Variants in POMT2 observed in about 807,000 individuals in gnomAD.
POMT2 encodes the protein protein O-mannosyltransferase 2.
A neutral mutation model predicts 100.0 loss-of-function variants in POMT2; 75 were observed. The observed-to-expected ratio is 0.75, with a 90% CI of 0.62 to 0.91. POMT2 has a LOEUF of 0.91. Among genes scored for constraint, POMT2 ranks in the 40% least tolerant of loss-of-function variants. The probability of loss-of-function intolerance (pLI) is 0.00; values close to 1 mark genes in which losing one functional copy is unlikely to be tolerated. For synonymous variants in POMT2, 378 were observed against 374.1 expected (o/e 1.01, Z -0.12); for missense variants, 940 against 955.1 (o/e 0.98, Z 0.21).
In POMT2 at chr14:77,320,733, C is replaced by G; in HGVS notation, c.-52G>C. 6.3e-7 allele frequency: 1 copy of G among 1,575,240 alleles called. No individual in the cohort carries two copies. Among genetic ancestry groups the G allele is most frequent in the Non-Finnish European group, 8.5e-7 (1 of 1,170,360 alleles). ...GGCCCGGAGGCACACTTTGTCTGAC[C>G]AGCCGCCCCGCCAAGGAGTCACAAG... On this transcript the variant is annotated 5_prime_UTR_variant, in exon 1 of 21. Transcript: ENST00000261534.
rs530464153 is a variant in POMT2, at chr14:77,309,208, T to C, written c.333+2741A>G. Among the ~76,000 whole-genome samples, 5 of 152,322 alleles carry C rather than the reference T, an allele frequency of 3.3e-5. No homozygotes were observed. The South Asian group carries it at 1.0e-3, about 32-fold the overall frequency. On this transcript the variant is annotated intron_variant, in intron 2 of 20. Coordinates refer to ENST00000261534, the MANE Select transcript of POMT2 (RefSeq NM_013382.7). ...GAATTCCTAGAGGAATGTAAGAAAC[T>C]ATTGACAAAGATGACCGTGGTTACC...
intron 15 of POMT2, 47 bp downstream of exon 15, chr14:77,283,750 G>T: frequency 6.8e-7 from 1 of 1,481,202 alleles, no homozygotes; most frequent in Non-Finnish European, 9.4e-7. Context: ...ATTCATGGCT[G>T]CCCAAAAGCT....
In POMT2 at chr14:77,277,362, T is replaced by A. The variant is rs761095345; in HGVS notation, c.*14A>T. 1.2e-5 allele frequency: 19 copies of A among 1,594,946 alleles called. No individual in the cohort carries two copies. Among genetic ancestry groups the A allele is most frequent in the Admixed American group, 1.7e-5 (1 of 59,988 alleles). On this transcript the variant is annotated 3_prime_UTR_variant, in exon 21 of 21. Transcript: ENST00000261534. ...GGAAGTTCCTGGACCCAGGCTGGAATCTTTGCAGTGGCCTCAAAAGTCCCA... is the reference window on the plus strand; with the variant it reads ...GGAAGTTCCTGGACCCAGGCTGGAAACTTTGCAGTGGCCTCAAAAGTCCCA...
rs1332557295 is a variant in POMT2, at chr14:77,311,896, C to T, written c.333+53G>A. On this transcript the variant is annotated intron_variant, in intron 2 of 20. Transcript: ENST00000261534. ...TCCAAAATCAAGATGTGGCTCCAGC[C>T]CTTAGGAACAATCCTCTGGGACCAG... 5.6e-6 allele frequency: 9 copies of T among 1,606,102 alleles called. No individual in the cohort carries two copies. In the East Asian group the frequency reaches 1.6e-4, roughly 28 times the overall value.
Position 77,280,076 on chromosome 14 carries a change from A to G in POMT2, c.1730T>C (p.Leu577Pro). 1 of 1,613,872 alleles carries G rather than the reference A, an allele frequency of 6.2e-7. No homozygotes were observed. Among genetic ancestry groups the G allele is most frequent in the Non-Finnish European group, 8.5e-7 (1 of 1,180,008 alleles). The change falls in exon 17 of 21, where the codon CTA becomes CCA. Residue 577 changes from leucine (L) to proline (P), a missense_variant. By Grantham distance (98) the Leu-to-Pro change is moderately conservative. Coordinates refer to ENST00000261534, the MANE Select transcript of POMT2 (RefSeq NM_013382.7). The stretch of plus-strand genomic sequence containing the variant: ...TGTGTCATTGACCCCTGAGAAGCGT[A>G]GGCCCTGTGGAATAGAGACCACCCT... Reference protein sequence around the residue: ...PWHWPINYQGLRFSGVNDTDF... With the variant: ...PWHWPINYQGPRFSGVNDTDF...
chr14:77,282,922 T>C (rs568661966), intron 15 of POMT2, among the ~76,000 whole-genome samples: 62 of 152,326 alleles, frequency 4.1e-4, no homozygotes, highest in African/African-American at 1.3e-3. Flanking sequence ...TTCTTAAACA[T>C]TATTCCTGCA....
At chr14:77,281,002 G>A (rs1890206523) in intron 15 of POMT2, among the ~76,000 whole-genome samples, 1 of 152,082 alleles carries the variant, frequency 6.6e-6, no homozygotes, top group African/African-American at 2.4e-5. Context: ...GCTGAGGCAG[G>A]AGAACCACTT....
At chr14:77,278,637 G>C (rs777048721) in intron 19 of POMT2, 92 bp downstream of exon 19, 2 of 1,558,192 alleles carry the variant, frequency 1.3e-6, no homozygotes, top group African/African-American at 2.7e-5. Flanking sequence ...GTGGCCTCCC[G>C]TCAAGGAGCA....
chr14:77,295,600 C>G (rs1449056399), intron 9 of POMT2, among the ~76,000 whole-genome samples: 1 of 147,110 alleles, frequency 6.8e-6, no homozygotes, highest in Non-Finnish European at 1.5e-5. Flanking sequence ...CCACTGCACT[C>G]CAGCCTGGGT....
At chr14:77,315,218 C>T (rs1027359617) in intron 1 of POMT2, among the ~76,000 whole-genome samples, 1 of 152,114 alleles carries the variant, frequency 6.6e-6, no homozygotes. Flanking sequence ...CATAGCAGTG[C>T]GCACAAGGAC....
intron 6 of POMT2, chr14:77,300,233 C>T (rs931416817): frequency 1.3e-5 from 2 of 159,334 alleles, no homozygotes; most frequent in African/African-American, 2.4e-5. Context: ...GATGGAGCAG[C>T]ACCACAGCAG....
rs372499983 is a variant in POMT2 at position 77,298,721 on chromosome 14, C to T, written c.974G>A (p.Gly325Glu). Residue 325 changes from glycine to glutamate, a missense_variant, in exon 8 of 21, where the codon GGG (glycine) becomes GAG (glutamate). By Grantham distance (98) the Gly-to-Glu change is moderately conservative. Transcript: ENST00000261534. ...FSSAFQARLS[G>E]NNLHNASIPE... ...GATGGAAGCATTGTGCAGGTTGTTC[C>T]CTGAAAGCCGGGCCTGGAAGGCAGA... The T allele has an allele frequency of 2.5e-6, 4 of 1,613,638 alleles. No homozygotes were observed. The highest frequency in any genetic ancestry group is 1.3e-5 in the African/African-American group (1 of 74,940).
Position 77,277,131 on chromosome 14 carries a change from G to A in POMT2, c.*245C>T, listed in dbSNP as rs1181899419. Reference sequence around the variant, plus strand: ...TGGCACCCATCCTCCCCTGCGCTGTGCACGAGGGAGCAGCCCAAGAGGCGC... The same window carrying A: ...TGGCACCCATCCTCCCCTGCGCTGTACACGAGGGAGCAGCCCAAGAGGCGC... On this transcript the variant is annotated 3_prime_UTR_variant, in exon 21 of 21. Coordinates refer to ENST00000261534, the MANE Select transcript of POMT2 (RefSeq NM_013382.7). The A allele has an allele frequency of 1.8e-6, 1 of 548,604 alleles. No homozygotes were observed. Among genetic ancestry groups the A allele is most frequent in the Non-Finnish European group, 3.3e-6 (1 of 302,902 alleles). The allele number at this position is 548,604 out of a possible 1,614,324, so 34.0% of individuals were successfully genotyped here.
At chr14:77,316,422 T>C (rs1054852921) in intron 1 of POMT2, among the ~76,000 whole-genome samples, 20 of 151,944 alleles carry the variant, frequency 1.3e-4, no homozygotes, top group Non-Finnish European at 2.8e-4. Flanking sequence ...AAATCTGTTT[T>C]AATTAGCTGG....
At chr14:77,280,260 C>T in intron 16 of POMT2, 132 bp downstream of exon 16, 1 of 1,556,898 alleles carries the variant, frequency 6.4e-7, no homozygotes, top group Admixed American at 1.9e-5. Context: ...ACAGATACTC[C>T]CACCTCTGGC....
intron 10 of POMT2, 72 bp from the exon 11 acceptor site, chr14:77,288,903 A>G (rs960871973): frequency 8.6e-6 from 11 of 1,279,138 alleles, no homozygotes; most frequent in Non-Finnish European, 8.0e-6. Context: ...GCCTACTGGT[A>G]AACAGTTATA....
intron 3 of POMT2, 163 bp downstream of exon 3, chr14:77,306,174 A>T: frequency 8.1e-7 from 1 of 1,231,672 alleles, no homozygotes; most frequent in Non-Finnish European, 1.1e-6. Context: ...CTCAGTTCTG[A>T]GTATCTACAC....
At position 77,283,799 on chromosome 14, in the gene POMT2, G is replaced by A. The variant is rs751153662; in HGVS notation, c.1651C>T (p.Arg551Trp). Residue 551 changes from arginine (R) to tryptophan (W), a missense_variant and splice_region_variant, in exon 15 of 21, where the codon CGG (arginine) becomes TGG (tryptophan). By Grantham distance (101) the Arg-to-Trp change is moderately radical. Coordinates refer to ENST00000261534, the MANE Select transcript of POMT2 (RefSeq NM_013382.7). ...ILLESHMVMI[R>W]GNSGLKPKDN... Reference sequence around the variant, plus strand: ...TGAAATGAGAAGGGGACACATACCCGGATCATGACCATGTGGGATTCCAGC... The same window carrying A: ...TGAAATGAGAAGGGGACACATACCCAGATCATGACCATGTGGGATTCCAGC... 2.6e-5 allele frequency: 42 copies of A among 1,606,148 alleles called. No homozygotes were observed. The highest frequency in any genetic ancestry group is 1.6e-4 in the Middle Eastern group (1 of 6,072).
chr14:77,315,089 G>T (rs1891578741), intron 1 of POMT2, among the ~76,000 whole-genome samples: 1 of 152,084 alleles, frequency 6.6e-6, no homozygotes, highest in Admixed American at 6.5e-5. Context: ...GGAGGAGAGG[G>T]GCAAACTCAG....
Sources: allele counts gnomAD v4.1 joint callset (sites outside exome capture counted in the v4.1 genomes callset), GRCh38; gene constraint gnomAD v4.1.1; transcripts MANE v1.5; gene names NCBI Gene and HGNC (gene_info 2026-07-23, HGNC 2026-07-21).